The following SCAPER variants were observed in gnomAD, a reference collection of about 807,000 sequenced individuals.
The protein encoded by SCAPER is S-phase cyclin A associated protein in the ER, also known as S phase cyclin A-associated protein in the endoplasmic reticulum.
SCAPER carries 98 observed loss-of-function variants against 182.2 expected under a neutral mutation model. That is an observed-to-expected ratio of 0.54 (90% CI 0.46 to 0.64). The LOEUF is 0.64. SCAPER is among the 30% of genes least tolerant of loss of function. The pLI, the probability that SCAPER is intolerant of heterozygous loss-of-function variation, is 0.00. For missense variants in SCAPER, 1,432 were observed against 1,690.0 expected, an observed-to-expected ratio of 0.85 and a Z score of 2.68; for synonymous variants, 605 against 564.6, an observed-to-expected ratio of 1.07 and a Z score of -1.01.
At chr15:76,405,264 C>T (rs954832325) in intron 26 of SCAPER, among the ~76,000 whole-genome samples, 1 of 151,824 alleles carries the variant, frequency 6.6e-6, no homozygotes, top group Non-Finnish European at 1.5e-5. Flanking sequence ...CATGCGTGTA[C>T]CACCATGTGC....
At chr15:76,360,762 G>A (rs1596296953) in intron 29 of SCAPER, among the ~76,000 whole-genome samples, 1 of 152,100 alleles carries the variant, frequency 6.6e-6, no homozygotes, top group African/African-American at 2.4e-5. Flanking sequence ...CTGTGCCAAG[G>A]GTTTGTCTCA....
intron 26 of SCAPER, among the ~76,000 whole-genome samples, chr15:76,426,279 C>T (rs1351289605): frequency 6.6e-6 from 1 of 152,206 alleles, no homozygotes; most frequent in Admixed American, 6.5e-5. Context: ...AGCTTCCTGG[C>T]CGCTTTACCT....
Position 76,635,363 on chromosome 15 carries a change from G to A in SCAPER, c.2646-13534C>T, listed in dbSNP as rs556140762. Among the ~76,000 whole-genome samples the A allele has an allele frequency of 3.3e-5, 5 of 152,144 alleles. No homozygotes were observed. The South Asian group carries it at 1.0e-3, about 32-fold the overall frequency. ...GATGTGGGAGGAAACCAGAGTACAG[G>A]GAAAAAACCCATGCAGACACAGGGA... is the stretch of plus-strand genomic sequence containing the variant. On this transcript the variant is annotated intron_variant, in intron 21 of 31. Transcript: ENST00000563290.
intron 21 of SCAPER, among the ~76,000 whole-genome samples, chr15:76,635,306 C>T (rs2053497130): frequency 6.6e-6 from 1 of 152,072 alleles, no homozygotes; most frequent in African/African-American, 2.4e-5. Flanking sequence ...ATAATTTAGA[C>T]ATGCCAATTA....
At chr15:76,421,898 T>C (rs1322665505) in intron 26 of SCAPER, among the ~76,000 whole-genome samples, 1 of 152,228 alleles carries the variant, frequency 6.6e-6, no homozygotes, top group Non-Finnish European at 1.5e-5. Context: ...CCATTGCTTG[T>C]TTTTGTCAGG....
Position 76,354,385 on chromosome 15 carries a change from C to T in SCAPER, c.3856-245G>A, listed in dbSNP as rs1210781580. 7.5e-6 allele frequency: 3 copies of T among 398,160 alleles called. No individual in the cohort carries two copies. Among genetic ancestry groups the T allele is most frequent in the South Asian group, 7.9e-5 (2 of 25,262 alleles). The allele number at this position is 398,160 out of a possible 1,614,324, so 24.7% of individuals were successfully genotyped here. ...CTCATTTAAAAGTTATTATAATCCACGATTAAAGGTGTAGCTGCCACGGAG... is the reference window on the plus strand; with the variant it reads ...CTCATTTAAAAGTTATTATAATCCATGATTAAAGGTGTAGCTGCCACGGAG... On this transcript the variant is annotated intron_variant, in intron 29 of 31. Transcript: ENST00000563290. This position sits in a 1 kb window ranked among gnomAD's most constrained non-coding sequence, Gnocchi z 4.4.
chr15:76,571,428 C>CA (rs2047426973), intron 23 of SCAPER, among the ~76,000 whole-genome samples: 1 of 151,892 alleles, frequency 6.6e-6, no homozygotes, highest in South Asian at 2.1e-4. Context: ...TCAGAAAACC[C>CA]AAAAAACCAG....
chr15:76,728,570 T>C, intron 17 of SCAPER, 25 bp downstream of exon 17: 3 of 1,612,556 alleles, frequency 1.9e-6, no homozygotes, highest in Non-Finnish European at 2.5e-6. Flanking sequence ...GTGCAAAATG[T>C]TCATCAAGAT....
At chr15:76,593,109 G>A (rs1246951908) in intron 22 of SCAPER, among the ~76,000 whole-genome samples, 2 of 121,430 alleles carry the variant, frequency 1.6e-5, no homozygotes, top group Admixed American at 9.3e-5. Flanking sequence ...GTCTGAAGTC[G>A]ACCTGGGAAG....
intron 5 of SCAPER, among the ~76,000 whole-genome samples, chr15:76,827,305 T>A (rs970295942): frequency 6.6e-6 from 1 of 152,190 alleles, no homozygotes; most frequent in African/African-American, 2.4e-5. Flanking sequence ...ATTCATTTTT[T>A]AAAAATACGT....
chr15:76,576,584 G>A (rs968821646), intron 22 of SCAPER, among the ~76,000 whole-genome samples: 27 of 152,182 alleles, frequency 1.8e-4, no homozygotes, highest in African/African-American at 5.3e-4. Flanking sequence ...AATAAGAACC[G>A]AAAGTTGTGT....
At chr15:76,402,637 C>A (rs75962643) in intron 27 of SCAPER, among the ~76,000 whole-genome samples, 1 of 152,082 alleles carries the variant, frequency 6.6e-6, no homozygotes, top group Admixed American at 6.5e-5. Context: ...ATCTTTAGTA[C>A]CTACCTAACT....
At chr15:76,787,269 G>A (rs530614946) in intron 8 of SCAPER, among the ~76,000 whole-genome samples, 11 of 152,184 alleles carry the variant, frequency 7.2e-5, no homozygotes, top group Middle Eastern at 3.4e-3. Context: ...AGAATTGATG[G>A]AACAAAAAAC....
At chr15:76,825,908 C>G (rs1052593041) in intron 5 of SCAPER, among the ~76,000 whole-genome samples, 5 of 152,146 alleles carry the variant, frequency 3.3e-5, no homozygotes, top group Non-Finnish European at 5.9e-5. Flanking sequence ...CCACGCCCAG[C>G]TAATTTTTGT....
intron 20 of SCAPER, among the ~76,000 whole-genome samples, chr15:76,669,843 T>C (rs749930962): frequency 2.1e-4 from 32 of 152,210 alleles, no homozygotes; most frequent in Non-Finnish European, 4.1e-4. Flanking sequence ...AAAGAAATAT[T>C]CTAAATGATA....
intron 20 of SCAPER, among the ~76,000 whole-genome samples, chr15:76,698,574 C>T (rs2058770791): frequency 6.6e-6 from 1 of 152,088 alleles, no homozygotes; most frequent in South Asian, 2.1e-4. Flanking sequence ...TGGATACTTC[C>T]TTCAGGGTTT....
intron 22 of SCAPER, among the ~76,000 whole-genome samples, chr15:76,607,704 C>G (rs1597650751): frequency 6.6e-6 from 1 of 151,798 alleles, no homozygotes; most frequent in Non-Finnish European, 1.5e-5. Context: ...TTCTTGGAAG[C>G]TTTGTTCATT....
chr15:76,357,524 T>C (rs2041074385), intron 29 of SCAPER, among the ~76,000 whole-genome samples: 1 of 152,228 alleles, frequency 6.6e-6, no homozygotes, highest in South Asian at 2.1e-4. Context: ...TGTAAATTAG[T>C]ACAACTTCTA....
At chr15:76,654,185 G>A (rs1597958147) in intron 21 of SCAPER, among the ~76,000 whole-genome samples, 2 of 152,024 alleles carry the variant, frequency 1.3e-5, no homozygotes, top group Non-Finnish European at 2.9e-5. Flanking sequence ...GGCTGATCAC[G>A]AGGTCAGGAG....
Sources: gnomAD v4.1 joint callset for allele counts (sites outside exome capture counted in the v4.1 genomes callset) on GRCh38, gnomAD v4.1.1 for gene constraint, Gnocchi (gnomAD v3.1) non-coding constraint, MANE v1.5 for transcripts, NCBI Gene and HGNC (gene_info 2026-07-23, HGNC 2026-07-21) for gene names.